Variants in TLN2 observed in about 807,000 individuals in gnomAD.
TLN2 encodes talin 2, also known as talin-2.
TLN2 carries 118 observed loss-of-function variants against 294.7 expected under a neutral mutation model. That is an observed-to-expected ratio of 0.40 (90% confidence interval 0.34 to 0.47). TLN2 has a LOEUF of 0.47. Ranked by LOEUF, TLN2 falls within the 20% of genes least tolerant of loss-of-function variation. The pLI is 0.84. For missense variants in TLN2, 3,083 were observed against 3,282.2 expected, an observed-to-expected ratio of 0.94 and a Z score of 1.48; for synonymous variants, 1,431 against 1,304.5, an observed-to-expected ratio of 1.10 and a Z score of -2.09.
chr15:62,426,506 G>A (rs1359617277), intron 1 of TLN2, among the ~76,000 whole-genome samples: 1 of 152,194 alleles, frequency 6.6e-6, no homozygotes, highest in Non-Finnish European at 1.5e-5. Context: ...AAGAGGTAAT[G>A]TGGACAAGAG....
chr15:62,536,797 A>G (rs992388644), intron 1 of TLN2, among the ~76,000 whole-genome samples: 2 of 152,260 alleles, frequency 1.3e-5, no homozygotes, highest in African/African-American at 4.8e-5. Flanking sequence ...TTTAGTAGAC[A>G]TGGAATAATT....
intron 1 of TLN2, among the ~76,000 whole-genome samples, chr15:62,529,104 T>TTG (rs112430968): frequency 0.054 from 8,155 of 151,394 alleles, 418 homozygotes; most frequent in African/African-American, 0.13. Context: ...CTTTTTTTTT[T>TTG]TGTGTGTGTG....
At position 62,740,622 on chromosome 15, in the gene TLN2, C is replaced by T; in HGVS notation, c.3886-8C>T. ...CCCTAATAGCTCCGGCTCCTTTTGA[C>T]CTTCCAGACAAAAGAAGACCAGATC... On this transcript the variant is annotated splice_region_variant and splice_polypyrimidine_tract_variant and intron_variant, in intron 31 of 58. Transcript: ENST00000636159. 2 of 1,614,036 alleles carry T rather than the reference C, an allele frequency of 1.2e-6. No individual in the cohort carries two copies. The highest frequency in any genetic ancestry group is 2.2e-5 in the East Asian group (1 of 44,884).
chr15:62,807,330 A>T (rs994422754), intron 51 of TLN2, among the ~76,000 whole-genome samples: 1 of 152,246 alleles, frequency 6.6e-6, no homozygotes, highest in Non-Finnish European at 1.5e-5. Context: ...CCCATATGAG[A>T]AAGGCGAGAG....
chr15:62,719,740 C>T, intron 24 of TLN2, 27 bp from the exon 25 acceptor site: 2 of 1,546,020 alleles, frequency 1.3e-6, no homozygotes, highest in Non-Finnish European at 1.8e-6. Context: ...TCTAGCCATG[C>T]TGTTTTTATT....
intron 35 of TLN2, among the ~76,000 whole-genome samples, chr15:62,753,171 T>C (rs2062030106): frequency 6.6e-6 from 1 of 152,234 alleles, no homozygotes; most frequent in Non-Finnish European, 1.5e-5. Flanking sequence ...TTGTGCCCTC[T>C]TGTCCTCTTG....
At chr15:62,396,740 A>G (rs761229744) in intron 1 of TLN2, among the ~76,000 whole-genome samples, 14 of 151,242 alleles carry the variant, frequency 9.3e-5, no homozygotes, top group Non-Finnish European at 1.8e-4. Context: ...TTACTTTTAG[A>G]CAGGGTCTAG....
chr15:62,698,745 C>T lies in TLN2; in HGVS notation c.1474-9C>T. On this transcript the variant is annotated splice_polypyrimidine_tract_variant and intron_variant, in intron 15 of 58. Transcript: ENST00000636159. ...TGGGATGACAGCTTTGTTTCATTTG[C>T]CTTTGCAGACCTCAGCCCAGCAGGC... is the stretch of plus-strand genomic sequence containing the variant. The T allele has an allele frequency of 6.2e-7, 1 of 1,606,964 alleles. No individual in the cohort carries two copies.
At chr15:62,510,180 C>T (rs2039855661) in intron 1 of TLN2, among the ~76,000 whole-genome samples, 3 of 152,106 alleles carry the variant, frequency 2.0e-5, no homozygotes, top group African/African-American at 7.2e-5. Flanking sequence ...TGTTCAGCTT[C>T]CCTTCTCATG....
In TLN2 at chr15:62,776,823, T is replaced by C. The variant is rs746254404; in HGVS notation, c.5427T>C (p.Asp1809=). The C allele has an allele frequency of 6.2e-7, 1 of 1,600,734 alleles. No individual in the cohort carries two copies. Among genetic ancestry groups the C allele is most frequent in the East Asian group, 2.3e-5 (1 of 43,636 alleles). The stretch of plus-strand genomic sequence containing the variant: ...CCCAGTTGATGAAGGAAGCCGTGGA[T>C]GACATCATGGTGACGCTGAACGAAG... ...EAAQLMKEAV[D]DIMVTLNEAA... Residue 1809 remains aspartate, a synonymous_variant, in exon 43 of 59, where the codon GAT becomes GAC. Transcript: ENST00000636159.
At chr15:62,771,164 A>G (rs1190151798) in intron 42 of TLN2, 30 bp downstream of exon 42, 2 of 1,562,046 alleles carry the variant, frequency 1.3e-6, no homozygotes, top group African/African-American at 1.4e-5. Flanking sequence ...GGACTCACTT[A>G]GGACCACTAA....
At chr15:62,469,309 G>C (rs1436761288) in intron 1 of TLN2, among the ~76,000 whole-genome samples, 1 of 152,208 alleles carries the variant, frequency 6.6e-6, no homozygotes, top group Admixed American at 6.5e-5. Context: ...CTACATTGTA[G>C]ACCAGATAGC....
intron 2 of TLN2, among the ~76,000 whole-genome samples, chr15:62,606,715 TA>T (rs2047478931): frequency 6.6e-6 from 1 of 152,186 alleles, no homozygotes; most frequent in Admixed American, 6.5e-5. Context: ...ATACTTCAAA[TA>T]GAAGGCCATT....
intron 19 of TLN2, among the ~76,000 whole-genome samples, chr15:62,706,639 A>G (rs539557718): frequency 1.3e-5 from 2 of 152,222 alleles, no homozygotes; most frequent in Non-Finnish European, 2.9e-5. Flanking sequence ...AATCCAAAAG[A>G]TACATTTTCA....
chr15:62,707,003 G>A (rs1192707558), intron 19 of TLN2, 83 bp from the exon 20 acceptor site: 2 of 1,435,150 alleles, frequency 1.4e-6, no homozygotes, highest in Admixed American at 2.6e-5. Context: ...AAGATCAAAT[G>A]GAATTTTAAT....
intron 41 of TLN2, among the ~76,000 whole-genome samples, chr15:62,769,930 G>C (rs1463809): frequency 0.98 from 149,530 of 152,354 alleles, 73,442 homozygotes; most frequent in Middle Eastern, 1. Context: ...ATAGATTCTG[G>C]TGTCTGAAGT....
chr15:62,839,879 G>A (rs1191090361), intron 58 of TLN2, among the ~76,000 whole-genome samples: 3 of 152,172 alleles, frequency 2.0e-5, no homozygotes, highest in African/African-American at 4.8e-5. Flanking sequence ...AATGATAGTC[G>A]GTAGCCTAGT....
At chr15:62,596,324 T>C (rs1024251278) in intron 2 of TLN2, among the ~76,000 whole-genome samples, 2 of 151,238 alleles carry the variant, frequency 1.3e-5, no homozygotes, top group African/African-American at 4.9e-5. Flanking sequence ...AGCATTCTTA[T>C]CACAAAAAAA....
chr15:62,621,266 C>T (rs965288009), intron 3 of TLN2, among the ~76,000 whole-genome samples: 2 of 152,094 alleles, frequency 1.3e-5, no homozygotes, highest in Non-Finnish European at 2.9e-5. Context: ...AGTTGAAAAC[C>T]CTGCAAAGGA....
Sources: allele counts gnomAD v4.1 joint callset (sites outside exome capture counted in the v4.1 genomes callset), GRCh38; gene constraint gnomAD v4.1.1; transcripts MANE v1.5; gene names NCBI Gene and HGNC (gene_info 2026-07-23, HGNC 2026-07-21).